Variants in FBLN2 observed in about 807,000 individuals in gnomAD.
FBLN2 encodes the protein fibulin 2.
FBLN2 carries 81 observed loss-of-function variants against 123.7 expected under a neutral mutation model. That is an observed-to-expected ratio of 0.65 (90% confidence interval 0.55 to 0.79). FBLN2 has a LOEUF of 0.79. FBLN2 is among the 30% of genes least tolerant of loss of function. The pLI is 0.00. For synonymous variants in FBLN2, 699 were observed against 701.4 expected (o/e 1.00, Z 0.05); for missense variants, 1,603 against 1,681.3 (o/e 0.95, Z 0.81).
At chr3:13,555,427 GT>G (rs371110780) in intron 1 of FBLN2, among the ~76,000 whole-genome samples, 3,619 of 148,478 alleles carry the variant, frequency 0.024, 46 homozygotes, top group Non-Finnish European at 0.032. Flanking sequence ...AGTGTTCCCT[GT>G]TTTTTTTTTA....
intron 2 of FBLN2, among the ~76,000 whole-genome samples, chr3:13,591,583 C>T (rs542782397): frequency 8.5e-5 from 13 of 152,306 alleles, no homozygotes; most frequent in South Asian, 2.1e-4. Context: ...CCACCACACC[C>T]GGCCAATGTT....
chr3:13,555,020 C>T (rs192059402), intron 1 of FBLN2, among the ~76,000 whole-genome samples: 76 of 150,246 alleles, frequency 5.1e-4, no homozygotes, highest in Non-Finnish European at 9.2e-4. Context: ...TGGTGCGATT[C>T]CGGCTCACTG....
At chr3:13,583,694 T>C (rs1274717710) in intron 2 of FBLN2, among the ~76,000 whole-genome samples, 1 of 152,208 alleles carries the variant, frequency 6.6e-6, no homozygotes, top group African/African-American at 2.4e-5. Context: ...GTTCCAAGTA[T>C]AGTCAAGGGC....
rs368886086 is a variant in FBLN2 at position 13,567,564 on chromosome 3, G to T, written c.-41-2751G>T. Among the ~76,000 whole-genome samples the T allele has an allele frequency of 1.2e-3, 188 of 152,294 alleles. 3 individuals are homozygous for T. Among genetic ancestry groups the T allele is most frequent in the East Asian group, 0.012 (63 of 5,140 alleles). On this transcript the variant is annotated intron_variant, in intron 1 of 17. Coordinates refer to ENST00000404922, the MANE Select transcript of FBLN2 (RefSeq NM_001004019.2). The stretch of plus-strand genomic sequence containing the variant: ...GTAGAGACAGGGTTTCACCACGTTG[G>T]CCAGGCTGGTCTCGAACTCCTGACC...
chr3:13,617,895 C>A (rs901315151), intron 5 of FBLN2, among the ~76,000 whole-genome samples, 181 bp from the exon 6 acceptor site: 1 of 149,764 alleles, frequency 6.7e-6, no homozygotes, highest in Non-Finnish European at 1.5e-5. Flanking sequence ...CCCATCTATC[C>A]ATCCATCTAT....
chr3:13,632,151 C>T (rs142737536), intron 16 of FBLN2, among the ~76,000 whole-genome samples: 54 of 152,320 alleles, frequency 3.5e-4, no homozygotes, highest in Non-Finnish European at 6.6e-4. Flanking sequence ...CATTTGCCAC[C>T]GGATTCTGGG....
Position 13,570,619 on chromosome 3 carries a change from C to A in FBLN2, c.264C>A (p.Ser88=). 6.3e-7 allele frequency: 1 copy of A among 1,580,642 alleles called. No individual in the cohort carries two copies. Among genetic ancestry groups the A allele is most frequent in the Non-Finnish European group, 8.6e-7 (1 of 1,164,510 alleles). ...FVRGRVPAGQ[S]YFVDFGSTEC... is the part of the protein sequence containing the mutation. ...GCGGCCGCGTGCCCGCCGGTCAGTC[C>A]TATTTTGTGGACTTCGGGAGCACTG... The change falls in exon 2 of 18, where the codon TCC becomes TCA. Residue 88 remains serine (S), a synonymous_variant. Coordinates refer to ENST00000404922, the MANE Select transcript of FBLN2 (RefSeq NM_001004019.2).
intron 11 of FBLN2, 21 bp downstream of exon 11, chr3:13,627,990 T>G (rs1270222173): frequency 6.2e-7 from 1 of 1,610,582 alleles, no homozygotes; most frequent in Non-Finnish European, 8.5e-7. Flanking sequence ...GCTGCAGGGC[T>G]GGGGATCATC....
chr3:13,551,118 G>A (rs1703311241), intron 1 of FBLN2, among the ~76,000 whole-genome samples: 1 of 152,160 alleles, frequency 6.6e-6, no homozygotes, highest in South Asian at 2.1e-4. Flanking sequence ...CCTGGCCTGC[G>A]TGGCCTTTGT....
At chr3:13,580,918 C>T (rs1042088169) in intron 2 of FBLN2, among the ~76,000 whole-genome samples, 2 of 152,202 alleles carry the variant, frequency 1.3e-5, no homozygotes, top group Admixed American at 6.5e-5. Context: ...TGGGCCTGAA[C>T]GTGTGTCTGT....
chr3:13,591,387 G>A (rs1352424192), intron 2 of FBLN2, among the ~76,000 whole-genome samples: 3 of 152,338 alleles, frequency 2.0e-5, no homozygotes, highest in African/African-American at 7.2e-5. Flanking sequence ...AGGAACACAA[G>A]TTCCAAATTG....
In FBLN2 at chr3:13,636,022, A is replaced by G. The variant is rs574877136; in HGVS notation, c.3215-423A>G. Among the ~76,000 whole-genome samples, 7 of 152,178 alleles carry G rather than the reference A, an allele frequency of 4.6e-5. No homozygotes were observed. The East Asian group carries it at 1.4e-3, about 29-fold the overall frequency. On this transcript the variant is annotated intron_variant, in intron 16 of 17. Transcript: ENST00000404922. ...AGTTAAAAGATGAGAAGCCTCCAGC[A>G]GTAGGAAAAGCTGGGGATAGCGTTC...
At chr3:13,609,047 G>T (rs1273843268) in intron 3 of FBLN2, among the ~76,000 whole-genome samples, 1 of 152,224 alleles carries the variant, frequency 6.6e-6, no homozygotes, top group Non-Finnish European at 1.5e-5. Context: ...ACTTCAGGGG[G>T]TGCTGAGCCC....
rs746720064 is a variant in FBLN2 at position 13,630,687 on chromosome 3, G to A, written c.2969-12G>A. 4 of 1,586,390 alleles carry A rather than the reference G, an allele frequency of 2.5e-6. No homozygotes were observed. Among genetic ancestry groups the A allele is most frequent in the Non-Finnish European group, 3.4e-6 (4 of 1,164,496 alleles). ...TGGGCCCTGCCATGACTGCCTGCTG[G>A]TGTCCCTGCAGACGTGAATGAGTGT... On this transcript the variant is annotated splice_polypyrimidine_tract_variant and intron_variant, in intron 14 of 17. Coordinates refer to ENST00000404922, the MANE Select transcript of FBLN2 (RefSeq NM_001004019.2).
intron 4 of FBLN2, among the ~76,000 whole-genome samples, chr3:13,610,895 TA>T (rs1185476511): frequency 1.6e-5 from 2 of 125,436 alleles, no homozygotes; most frequent in East Asian, 4.7e-4. Flanking sequence ...CCCCTTGTTT[TA>T]AATTATTATT....
In FBLN2 at chr3:13,585,048, C is replaced by T. The variant is rs558522403; in HGVS notation, c.1306+13387C>T. 1.2e-4 allele frequency among the ~76,000 whole-genome samples: 19 copies of T among 152,304 alleles called. No individual in the cohort carries two copies. The South Asian group carries it at 2.5e-3, about 20-fold the overall frequency. On this transcript the variant is annotated intron_variant, in intron 2 of 17. Transcript: ENST00000404922. ...TTGGTGGTGGGTGAGTGATGGAGGA[C>T]GACCTCACAATTCCTCATCTGTCAC...
chr3:13,601,329 G>A (rs1261592132), intron 2 of FBLN2, among the ~76,000 whole-genome samples: 1 of 152,240 alleles, frequency 6.6e-6, no homozygotes. Context: ...GAGAGGATAA[G>A]CCGCCTGGGC....
chr3:13,565,284 G>A (rs1489769373), intron 1 of FBLN2, among the ~76,000 whole-genome samples: 1 of 152,240 alleles, frequency 6.6e-6, no homozygotes, highest in African/African-American at 2.4e-5. Flanking sequence ...AGCCCCACCT[G>A]CCGCTGGTCC....
At chr3:13,564,939 G>A (rs1372447696) in intron 1 of FBLN2, among the ~76,000 whole-genome samples, 1 of 152,232 alleles carries the variant, frequency 6.6e-6, no homozygotes, top group Non-Finnish European at 1.5e-5. Context: ...CTTGTGGCCA[G>A]GTGAGAGAGG....
Sources: gnomAD v4.1 joint callset for allele counts (sites outside exome capture counted in the v4.1 genomes callset) on GRCh38, gnomAD v4.1.1 for gene constraint, MANE v1.5 for transcripts, NCBI Gene and HGNC (gene_info 2026-07-23, HGNC 2026-07-21) for gene names.